The following GPC1 variants were observed in gnomAD, a reference collection of about 807,000 sequenced individuals.
GPC1 encodes glypican 1, also known as glypican-1.
Under a neutral mutation model 51.5 loss-of-function variants are expected in GPC1, and 26 were observed. The ratio of observed to expected loss-of-function variants is 0.50; its 90% CI spans 0.37 to 0.70. GPC1 has a LOEUF of 0.70. Among genes scored for constraint, GPC1 ranks in the 30% least tolerant of loss-of-function variants. GPC1 has a pLI of 0.00. For synonymous variants in GPC1, 380 were observed against 348.3 expected (o/e 1.09, Z -1.01); for missense variants, 775 against 800.5 (o/e 0.97, Z 0.38).
At chr2:240,456,294 C>T (rs1407220128) in intron 1 of GPC1, among the ~76,000 whole-genome samples, 4 of 152,128 alleles carry the variant, frequency 2.6e-5, no homozygotes, top group South Asian at 2.1e-4. Flanking sequence ...CCATGCCTCT[C>T]GTCAGCCTCT....
chr2:240,452,999 C>A, intron 1 of GPC1: 1 of 354,240 alleles, frequency 2.8e-6, no homozygotes. Context: ...CGCCCGGAGC[C>A]GCTGGAGCCG....
intron 1 of GPC1, chr2:240,457,552 T>C (rs11680576): frequency 0.29 from 129,310 of 447,760 alleles, 19,422 homozygotes; most frequent in Middle Eastern, 0.42. Context: ...AGGGGTGACT[T>C]CTCTTGCAGT....
intron 1 of GPC1, among the ~76,000 whole-genome samples, chr2:240,440,183 A>G (rs2074009013): frequency 6.6e-6 from 1 of 152,136 alleles, no homozygotes; most frequent in Non-Finnish European, 1.5e-5. Context: ...AGGCCCACAC[A>G]CACCCCTCTC....
chr2:240,464,719 G>C lies in GPC1; in HGVS notation c.987G>C (p.Gln329His), dbSNP rs1313698490. ...TWLAEAINAL[Q>H]DNRDTLTAKV... ...TGGCGGAGGCCATCAACGCCCTCCA[G>C]GACAACAGGGACACGCTCACGGCCA... The change falls in exon 5 of 9, where the codon CAG becomes CAC. Residue 329 changes from glutamine to histidine, a missense_variant. Transcript: ENST00000264039. The C allele has an allele frequency of 1.9e-6, 3 of 1,611,000 alleles. No individual in the cohort carries two copies. In the Admixed American group the frequency reaches 5.0e-5, roughly 27 times the overall value.
chr2:240,454,610 C>T (rs781021716), intron 1 of GPC1, among the ~76,000 whole-genome samples: 2 of 152,238 alleles, frequency 1.3e-5, no homozygotes, highest in Non-Finnish European at 2.9e-5. Flanking sequence ...TGCACACAGC[C>T]CTACTCCAGC....
Position 240,436,080 on chromosome 2 carries a change from C to T in GPC1, c.162C>T (p.Ile54=). ...TGAGCGACGTGCCCCAGGCGGAGATCTCGGGTGAGTGAGGGCGCGGCGCCG... is the reference window on the plus strand; with the variant it reads ...TGAGCGACGTGCCCCAGGCGGAGATTTCGGGTGAGTGAGGGCGCGGCGCCG... ...FSLSDVPQAE[I]SGEHLRICPQ... is the part of the protein sequence containing the mutation. The change falls in exon 1 of 9, where the codon ATC becomes ATT. Residue 54 remains isoleucine, a synonymous_variant. Coordinates refer to ENST00000264039, the MANE Select transcript of GPC1 (RefSeq NM_002081.3). The T allele has an allele frequency of 1.5e-6, 2 of 1,298,550 alleles. No homozygotes were observed. The highest frequency in any genetic ancestry group is 5.3e-5 in the South Asian group (2 of 37,728). 80.4% of individuals were successfully genotyped at this position (1,298,550 alleles called of 1,614,324 possible). A position where few individuals can be genotyped will look rare whatever the true frequency, so the allele number is the denominator to read the frequency against.
At chr2:240,465,984 G>GTGT (rs1553548866) in intron 8 of GPC1, 74 bp from the exon 9 acceptor site, 2 of 751,652 alleles carry the variant, frequency 2.7e-6, no homozygotes, top group African/African-American at 5.1e-5. Context: ...CACCTGGCAC[G>GTGT]GGCCCTTACA....
At chr2:240,449,968 C>T (rs1478568257) in intron 1 of GPC1, 5 of 463,118 alleles carry the variant, frequency 1.1e-5, no homozygotes, top group Non-Finnish European at 2.2e-5. Context: ...GGAGAGACAT[C>T]GTTTCTACCT....
chr2:240,449,429 C>A, intron 1 of GPC1: 1 of 176,346 alleles, frequency 5.7e-6, no homozygotes, highest in East Asian at 1.6e-4. Flanking sequence ...GCAGTGTGTC[C>A]CAAATACTTT....
Position 240,436,065 on chromosome 2 carries a change from G to A in GPC1, c.147G>A (p.Val49=), listed in dbSNP as rs1308598499. The A allele has an allele frequency of 2.3e-6, 3 of 1,317,768 alleles. No individual in the cohort carries two copies. The highest frequency in any genetic ancestry group is 2.9e-6 in the Non-Finnish European group (3 of 1,031,778). The allele number at this position is 1,317,768 out of a possible 1,614,324, so 81.6% of individuals were successfully genotyped here. ...CCAAGGGCTTCAGCCTGAGCGACGT[G>A]CCCCAGGCGGAGATCTCGGGTGAGT... ...YGAKGFSLSD[V]PQAEISGEHL... is the part of the protein sequence containing the mutation. The change falls in exon 1 of 9, where the codon GTG becomes GTA. Residue 49 remains valine, a synonymous_variant. Coordinates refer to ENST00000264039, the MANE Select transcript of GPC1 (RefSeq NM_002081.3).
chr2:240,459,039 T>G lies in GPC1; in HGVS notation c.176T>G (p.Leu59Arg). The change falls in exon 2 of 9, where the codon CTG (leucine) becomes CGG (arginine). Residue 59 changes from leucine to arginine, a missense_variant. Coordinates refer to ENST00000264039, the MANE Select transcript of GPC1 (RefSeq NM_002081.3). ...TGGCCTTTCCCCACAGGTGAGCACC[T>G]GCGGATCTGTCCCCAGGGCTACACC... ...VPQAEISGEH[L>R]RICPQGYTCC... 6.2e-7 allele frequency: 1 copy of G among 1,612,696 alleles called. No individual in the cohort carries two copies. Among genetic ancestry groups the G allele is most frequent in the Non-Finnish European group, 8.5e-7 (1 of 1,179,822 alleles).
chr2:240,465,052 C>T (rs773740805), intron 6 of GPC1, 25 bp from the exon 7 acceptor site: 12 of 1,589,084 alleles, frequency 7.6e-6, no homozygotes, highest in Admixed American at 1.8e-5. Context: ...CCTGGCAGCC[C>T]AGTGGCCTGA....
Position 240,462,543 on chromosome 2 carries a change from C to T in GPC1, c.678C>T (p.Gly226=), listed in dbSNP as rs1323691536. 6.4e-7 allele frequency: 1 copy of T among 1,552,186 alleles called. No homozygotes were observed. Among genetic ancestry groups the T allele is most frequent in the East Asian group, 2.3e-5 (1 of 44,126 alleles). ...TGGCTGCTCGCTCCTTTGTGCAGGG[C>T]CTGGGCGTGGCCAGCGACGTGGTCC... ...AFVAARSFVQ[G]LGVASDVVRK... is the part of the protein sequence containing the mutation. Residue 226 remains glycine (G), a synonymous_variant, in exon 3 of 9, where the codon GGC becomes GGT. Transcript: ENST00000264039.
rs374517524 is a variant in GPC1 at position 240,459,207 on chromosome 2, C to A, written c.325+19C>A. ...TTCGATGGTGAGTGCCTCCCACGGGCGCTCGGGGCCCGCAGGGTGCCGGTG... is the reference window on the plus strand; with the variant it reads ...TTCGATGGTGAGTGCCTCCCACGGGAGCTCGGGGCCCGCAGGGTGCCGGTG... On this transcript the variant is annotated intron_variant, in intron 2 of 8. Transcript: ENST00000264039. 1.9e-6 allele frequency: 3 copies of A among 1,606,316 alleles called. No individual in the cohort carries two copies. In the South Asian group the frequency reaches 3.3e-5, roughly 18 times the overall value.
chr2:240,448,993 A>T lies in GPC1; in HGVS notation c.167-10037A>T, dbSNP rs1425724161. Among the ~76,000 whole-genome samples the T allele has an allele frequency of 6.6e-6, 1 of 151,780 alleles. No individual in the cohort carries two copies. The highest frequency in any genetic ancestry group is 1.5e-5 in the Non-Finnish European group (1 of 67,944). On this transcript the variant is annotated intron_variant, in intron 1 of 8. Transcript: ENST00000264039. The surrounding 1 kb of genome is among the most constrained non-coding windows in gnomAD (Gnocchi z 4.5). Reference sequence around the variant, plus strand: ...GGGACACTCAGGCCAGTGGAAGGAGATCTGCCTTAGGGAGAAGTCTGAGAC... The same window carrying T: ...GGGACACTCAGGCCAGTGGAAGGAGTTCTGCCTTAGGGAGAAGTCTGAGAC...
At chr2:240,455,471 G>A (rs1574769869) in intron 1 of GPC1, among the ~76,000 whole-genome samples, 1 of 152,198 alleles carries the variant, frequency 6.6e-6, no homozygotes, top group East Asian at 1.9e-4. Flanking sequence ...CCTGCACGGG[G>A]GGAAGGGGAT....
Position 240,462,459 on chromosome 2 carries a change from G to C in GPC1, c.594G>C (p.Ala198=), listed in dbSNP as rs113918163. Residue 198 remains alanine, a synonymous_variant, in exon 3 of 9, where the codon GCG becomes GCC. Transcript: ENST00000264039. ...ACTGCCTGGGCAAGCAGGCCGAGGC[G>C]CTGCGGCCCTTCGGGGAGGCCCCGA... ...YLDCLGKQAE[A]LRPFGEAPRE... 1.2e-6 allele frequency: 2 copies of C among 1,605,058 alleles called. No homozygotes were observed. The highest frequency in any genetic ancestry group is 1.7e-6 in the Non-Finnish European group (2 of 1,176,938).
intron 1 of GPC1, among the ~76,000 whole-genome samples, chr2:240,454,357 C>A (rs2074136125): frequency 6.6e-6 from 1 of 152,212 alleles, no homozygotes; most frequent in Non-Finnish European, 1.5e-5. Flanking sequence ...TGCACCCTCA[C>A]CCCAGGAGGC....
Position 240,464,716 on chromosome 2 carries a change from C to G in GPC1, c.984C>G (p.Leu328=). The change falls in exon 5 of 9, where the codon CTC becomes CTG. Residue 328 remains leucine (L), a synonymous_variant. Coordinates refer to ENST00000264039, the MANE Select transcript of GPC1 (RefSeq NM_002081.3). ...HTWLAEAINA[L]QDNRDTLTAK... ...GGCTGGCGGAGGCCATCAACGCCCTCCAGGACAACAGGGACACGCTCACGG... is the reference window on the plus strand; with the variant it reads ...GGCTGGCGGAGGCCATCAACGCCCTGCAGGACAACAGGGACACGCTCACGG... The G allele has an allele frequency of 6.2e-7, 1 of 1,611,604 alleles. No homozygotes were observed. The highest frequency in any genetic ancestry group is 8.5e-7 in the Non-Finnish European group (1 of 1,179,268).
Sources: allele counts gnomAD v4.1 joint callset (sites outside exome capture counted in the v4.1 genomes callset), GRCh38; gene constraint gnomAD v4.1.1; non-coding constraint Gnocchi (gnomAD v3.1); transcripts MANE v1.5; gene names NCBI Gene and HGNC (gene_info 2026-07-23, HGNC 2026-07-21).